The following TWSG1 variants were observed in gnomAD, a reference collection of about 807,000 sequenced individuals.
The protein encoded by TWSG1 is twisted gastrulation BMP signaling modulator 1, also known as twisted gastrulation protein homolog 1.
In TWSG1, 15 loss-of-function variants were observed where a neutral mutation model predicts 23.0. The ratio of observed to expected loss-of-function variants is 0.65; its 90% CI spans 0.44 to 1.00. The LOEUF is 1.00. TWSG1 is among the 50% of genes least tolerant of loss of function. The pLI is 0.00. For missense variants in TWSG1, 242 were observed against 278.7 expected (o/e 0.87, Z 0.94); for synonymous variants, 86 against 92.8 (o/e 0.93, Z 0.42).
chr18:9,390,069 T>C (rs1159168800), intron 3 of TWSG1, among the ~76,000 whole-genome samples: 1 of 152,250 alleles, frequency 6.6e-6, no homozygotes, highest in Non-Finnish European at 1.5e-5. Flanking sequence ...GTAATCTTTT[T>C]GCTGGTGGAG....
intron 2 of TWSG1, among the ~76,000 whole-genome samples, chr18:9,338,952 A>G (rs976371624): frequency 2.0e-5 from 3 of 152,246 alleles, no homozygotes; most frequent in Non-Finnish European, 4.4e-5. Flanking sequence ...TAATCCCAGC[A>G]CTTTGAGAGA....
In TWSG1 at chr18:9,395,874, A is replaced by G. The variant is rs150586075; in HGVS notation, c.224-406A>G. 1.2e-3 allele frequency among the ~76,000 whole-genome samples: 189 copies of G among 152,196 alleles called. 2 individuals carry two copies. In the East Asian group the frequency reaches 0.034, roughly 27 times the overall value. The stretch of plus-strand genomic sequence containing the variant: ...GAGCCACTGCGCTCAGCTTATTATT[A>G]TTTTAATGCTCAAATTGTCTATTAG... On this transcript the variant is annotated intron_variant, in intron 3 of 4. Transcript: ENST00000262120.
chr18:9,385,127 C>G (rs1218552881), intron 3 of TWSG1, among the ~76,000 whole-genome samples: 1 of 152,180 alleles, frequency 6.6e-6, no homozygotes. Context: ...ATTTGAAGAT[C>G]TGTCTGTAGA....
chr18:9,379,326 C>A (rs4798799), intron 3 of TWSG1, among the ~76,000 whole-genome samples: 118,131 of 152,166 alleles, frequency 0.78, 46,309 homozygotes, highest in East Asian at 1. Flanking sequence ...ATGGAATACT[C>A]TGCAGCCAGA....
intron 2 of TWSG1, among the ~76,000 whole-genome samples, chr18:9,340,078 C>G (rs2040439310): frequency 6.6e-6 from 1 of 152,022 alleles, no homozygotes; most frequent in African/African-American, 2.4e-5. Flanking sequence ...TAGAAAAGAT[C>G]TAGGGCTGGG....
chr18:9,345,647 A>G (rs1378387664), intron 2 of TWSG1, among the ~76,000 whole-genome samples: 1 of 151,938 alleles, frequency 6.6e-6, no homozygotes, highest in African/African-American at 2.4e-5. Context: ...CATTGTCTTG[A>G]TTATGTAGTT....
At chr18:9,373,349 C>A (rs899953582) in intron 3 of TWSG1, among the ~76,000 whole-genome samples, 1 of 151,790 alleles carries the variant, frequency 6.6e-6, no homozygotes, top group Middle Eastern at 3.4e-3. Context: ...GTCAACATGG[C>A]GAAACCCTGT....
chr18:9,352,772 T>A (rs1323520284), intron 2 of TWSG1, among the ~76,000 whole-genome samples: 2 of 152,202 alleles, frequency 1.3e-5, no homozygotes, highest in African/African-American at 4.8e-5. Context: ...TTCCTCAAGT[T>A]GTTAGTTTCC....
intron 3 of TWSG1, among the ~76,000 whole-genome samples, chr18:9,391,771 G>A (rs1383116107): frequency 6.6e-6 from 1 of 152,168 alleles, no homozygotes; most frequent in Non-Finnish European, 1.5e-5. Flanking sequence ...AGACTTGCAA[G>A]TTGAAATGAC....
intron 2 of TWSG1, among the ~76,000 whole-genome samples, chr18:9,350,644 T>C (rs1322420839): frequency 6.6e-6 from 1 of 152,218 alleles, no homozygotes; most frequent in African/African-American, 2.4e-5. Context: ...TTTTGGTAAT[T>C]CATATATATA....
At position 9,382,585 on chromosome 18, in the gene TWSG1, G is replaced by A. The variant is rs374464704; in HGVS notation, c.224-13695G>A. The stretch of plus-strand genomic sequence containing the variant: ...TCCCAGCACTTTGGGAGGCTGAGGC[G>A]GGCAGATCACCTGAGGTCAGGAGTT... On this transcript the variant is annotated intron_variant, in intron 3 of 4. Transcript: ENST00000262120. Among the ~76,000 whole-genome samples the A allele has an allele frequency of 1.5e-3, 230 of 151,054 alleles. 2 individuals are homozygous for A. Among genetic ancestry groups the A allele is most frequent in the African/African-American group, 5.3e-3 (218 of 41,138 alleles).
intron 3 of TWSG1, among the ~76,000 whole-genome samples, chr18:9,361,583 T>C (rs2040552626): frequency 6.6e-6 from 1 of 152,242 alleles, no homozygotes; most frequent in African/African-American, 2.4e-5. Context: ...TGCACATTTT[T>C]TCTAGAGAAA....
chr18:9,362,394 G>A (rs2040556525), intron 3 of TWSG1, among the ~76,000 whole-genome samples: 1 of 152,138 alleles, frequency 6.6e-6, no homozygotes, highest in South Asian at 2.1e-4. Context: ...TTTTGATGGA[G>A]ACAGGGTTTC....
chr18:9,338,042 A>G (rs566450008), intron 2 of TWSG1, among the ~76,000 whole-genome samples: 1 of 152,344 alleles, frequency 6.6e-6, no homozygotes, highest in East Asian at 1.9e-4. Context: ...ACAGGCTCGT[A>G]TTGAACTCCT....
At chr18:9,337,162 CT>C in intron 1 of TWSG1, 30 bp from the exon 2 acceptor site, 1 of 1,579,634 alleles carries the variant, frequency 6.3e-7, no homozygotes, top group Non-Finnish European at 8.6e-7. Context: ...TAGCACTTGC[CT>C]TTGAATTAAA....
intron 3 of TWSG1, among the ~76,000 whole-genome samples, chr18:9,389,939 T>G (rs1023136077): frequency 6.6e-6 from 1 of 152,260 alleles, no homozygotes; most frequent in South Asian, 2.1e-4. Context: ...AAAGTTATTT[T>G]ACACTATAGT....
At chr18:9,350,527 G>T (rs1476898410) in intron 2 of TWSG1, among the ~76,000 whole-genome samples, 1 of 152,162 alleles carries the variant, frequency 6.6e-6, no homozygotes, top group East Asian at 1.9e-4. Flanking sequence ...ACTCACTCCA[G>T]CTGGATTCTT....
chr18:9,361,808 C>T (rs1432904250), intron 3 of TWSG1, among the ~76,000 whole-genome samples: 1 of 152,342 alleles, frequency 6.6e-6, no homozygotes, highest in East Asian at 1.9e-4. Flanking sequence ...AAGACTAACT[C>T]TCTCATCTCC....
Position 9,359,952 on chromosome 18 carries a change from A to C in TWSG1, c.124-20A>C, listed in dbSNP as rs766708122. ...TATGATTATTTGGAATTTGAAGTTTAACATCTGTCTTGTTTCTAGGAGCTC... is the reference window on the plus strand; with the variant it reads ...TATGATTATTTGGAATTTGAAGTTTCACATCTGTCTTGTTTCTAGGAGCTC... On this transcript the variant is annotated intron_variant, in intron 2 of 4. Coordinates refer to ENST00000262120, the MANE Select transcript of TWSG1 (RefSeq NM_020648.6). 1 of 1,604,094 alleles carries C rather than the reference A, an allele frequency of 6.2e-7. No individual in the cohort carries two copies. The highest frequency in any genetic ancestry group is 8.5e-7 in the Non-Finnish European group (1 of 1,172,598).
Sources: allele counts gnomAD v4.1 joint callset (sites outside exome capture counted in the v4.1 genomes callset), GRCh38; gene constraint gnomAD v4.1.1; transcripts MANE v1.5; gene names NCBI Gene and HGNC (gene_info 2026-07-23, HGNC 2026-07-21).